LIPK: variants seen among roughly 807,000 people sequenced by gnomAD.
LIPK encodes lipase family member K, also known as lipase member K.
Under a neutral mutation model 48.6 loss-of-function variants are expected in LIPK, and 32 were observed. The observed-to-expected ratio is 0.66, with a 90% confidence interval of 0.50 to 0.88. The LOEUF is 0.88. Ranked by LOEUF, LIPK falls within the 40% of genes least tolerant of loss-of-function variation. The probability of loss-of-function intolerance (pLI) is 0.00; values close to 1 mark genes in which losing one functional copy is unlikely to be tolerated. For missense variants in LIPK, 507 were observed against 478.5 expected (o/e 1.06, Z -0.56); for synonymous variants, 164 against 157.4 (o/e 1.04, Z -0.32).
chr10:88,716,356 C>CTTTTTTTTTTTTTTTTTTTTTTTTTTTTT (rs11374780), intron 1 of LIPK, among the ~76,000 whole-genome samples: 4 of 120,338 alleles, frequency 3.3e-5, no homozygotes, highest in African/African-American at 9.4e-5. Flanking sequence ...AGGAAAATTT[C>CTTTTTTTTTTTTTTTTTTTTTTTTTTTTT]TTTTTTTTTT....
chr10:88,742,529 TG>T (rs1475726634), intron 8 of LIPK, among the ~76,000 whole-genome samples: 1 of 152,236 alleles, frequency 6.6e-6, no homozygotes, highest in African/African-American at 2.4e-5. Flanking sequence ...CAATCCTATA[TG>T]GGTGGCAAAT....
At chr10:88,749,473 T>C (rs1033642268) in intron 9 of LIPK, among the ~76,000 whole-genome samples, 8 of 152,160 alleles carry the variant, frequency 5.3e-5, no homozygotes. Context: ...CCTGCAATCA[T>C]TTGATCTTCG....
At chr10:88,716,356 C>CTT (rs11374780) in intron 1 of LIPK, among the ~76,000 whole-genome samples, 78,328 of 120,068 alleles carry the variant, frequency 0.65, 26,367 homozygotes, top group East Asian at 0.91. Flanking sequence ...AGGAAAATTT[C>CTT]TTTTTTTTTT....
intron 2 of LIPK, 46 bp downstream of exon 2, chr10:88,724,694 A>G (rs1273607865): frequency 3.0e-6 from 4 of 1,342,362 alleles, no homozygotes; most frequent in Admixed American, 2.5e-5. Flanking sequence ...GGAATTATTC[A>G]TATTTCAGCA....
chr10:88,741,455 G>C (rs1842678764), intron 8 of LIPK, among the ~76,000 whole-genome samples: 1 of 152,130 alleles, frequency 6.6e-6, no homozygotes, highest in South Asian at 2.1e-4. Context: ...TGGACTGCTG[G>C]ACTCAAGCAA....
At chr10:88,750,381 T>C (rs1348345823) in intron 9 of LIPK, among the ~76,000 whole-genome samples, 2 of 152,156 alleles carry the variant, frequency 1.3e-5, no homozygotes, top group African/African-American at 2.4e-5. Context: ...CTATTCACAA[T>C]AGCAAAGACA....
In LIPK at chr10:88,752,509, G is replaced by A. The variant is rs142362551; in HGVS notation, c.961-8G>A. 1,839 of 1,531,154 alleles carry A rather than the reference G, an allele frequency of 1.2e-3. 18 individuals carry two copies. The African/African-American group carries it at 0.022, about 19-fold the overall frequency. 94.8% of individuals were successfully genotyped at this position (1,531,154 alleles called of 1,614,324 possible). A position where few individuals can be genotyped will look rare whatever the true frequency, so the allele number is the denominator to read the frequency against. On this transcript the variant is annotated splice_region_variant and splice_polypyrimidine_tract_variant and intron_variant, in intron 9 of 9. Transcript: ENST00000404190. ...AAAACTTTTCTCTCTCTCTTTTATT[G>A]TATTTAGCTTACACCTCCTTTATAC...
chr10:88,727,267 C>A (rs1842362515), intron 3 of LIPK, among the ~76,000 whole-genome samples: 2 of 152,222 alleles, frequency 1.3e-5, no homozygotes, highest in African/African-American at 4.8e-5. Flanking sequence ...TGCAACCTAT[C>A]ATCGCCATCT....
chr10:88,734,057 C>T (rs1201191580), intron 6 of LIPK, among the ~76,000 whole-genome samples: 1 of 152,144 alleles, frequency 6.6e-6, no homozygotes, highest in African/African-American at 2.4e-5. Context: ...AAATCTATAA[C>T]TTTAGAATGA....
chr10:88,747,828 C>T (rs908863710), intron 9 of LIPK, among the ~76,000 whole-genome samples: 1 of 152,128 alleles, frequency 6.6e-6, no homozygotes, highest in Non-Finnish European at 1.5e-5. Context: ...ATTAATTCAA[C>T]CATTGTGGAA....
At chr10:88,732,640 A>G in intron 6 of LIPK, 89 bp downstream of exon 6, 2 of 1,330,704 alleles carry the variant, frequency 1.5e-6, no homozygotes, top group South Asian at 1.4e-5. Flanking sequence ...CATTTTACAA[A>G]CTTCTGAGAA....
intron 7 of LIPK, among the ~76,000 whole-genome samples, chr10:88,738,489 C>A (rs1029281551): frequency 6.6e-6 from 1 of 152,170 alleles, no homozygotes. Flanking sequence ...TGCTTTCAGG[C>A]AAGATTTATA....
intron 1 of LIPK, among the ~76,000 whole-genome samples, 84 bp downstream of exon 1, chr10:88,706,404 C>A (rs1413431219): frequency 6.6e-6 from 1 of 152,136 alleles, no homozygotes; most frequent in African/African-American, 2.4e-5. Context: ...CAGAACTTTA[C>A]ATGTTGATGA....
At chr10:88,715,396 C>G (rs1842097212) in intron 1 of LIPK, among the ~76,000 whole-genome samples, 1 of 152,064 alleles carries the variant, frequency 6.6e-6, no homozygotes, top group African/African-American at 2.4e-5. Context: ...TATGAAATAT[C>G]TCACTTTGAC....
intron 4 of LIPK, 107 bp downstream of exon 4, chr10:88,731,288 C>A: frequency 1.1e-6 from 1 of 924,478 alleles, no homozygotes; most frequent in Non-Finnish European, 1.5e-6. Flanking sequence ...CCAATGGAAT[C>A]CACAAGAAGG....
intron 1 of LIPK, among the ~76,000 whole-genome samples, chr10:88,720,907 A>G (rs1416369849): frequency 6.6e-6 from 1 of 151,760 alleles, no homozygotes; most frequent in East Asian, 1.9e-4. Flanking sequence ...TCTATTATAG[A>G]TTATATCTAT....
intron 2 of LIPK, among the ~76,000 whole-genome samples, chr10:88,725,910 G>T (rs1653842): frequency 0.78 from 118,225 of 152,158 alleles, 46,927 homozygotes; most frequent in East Asian, 1. Flanking sequence ...TTGGTTTTCA[G>T]TTCAATTCAG....
Position 88,732,408 on chromosome 10 carries a change from A to G in LIPK, c.533-7A>G. Reference sequence around the variant, plus strand: ...AAACTATGAACTACTGTCTTCTTCCATTTCAGCTTTTATAGCATTTTCTAC... The same window carrying G: ...AAACTATGAACTACTGTCTTCTTCCGTTTCAGCTTTTATAGCATTTTCTAC... On this transcript the variant is annotated splice_region_variant and splice_polypyrimidine_tract_variant and intron_variant, in intron 5 of 9. Transcript: ENST00000404190. 6.2e-7 allele frequency: 1 copy of G among 1,605,478 alleles called. No individual in the cohort carries two copies. The highest frequency in any genetic ancestry group is 1.1e-5 in the South Asian group (1 of 88,712).
intron 9 of LIPK, 57 bp downstream of exon 9, chr10:88,743,378 T>C (rs1259797933): frequency 7.9e-7 from 1 of 1,264,472 alleles, no homozygotes; most frequent in Non-Finnish European, 1.1e-6. Flanking sequence ...ACAAAAATAG[T>C]GTCTACTCAT....
Sources: gnomAD v4.1 joint callset for allele counts (sites outside exome capture counted in the v4.1 genomes callset) on GRCh38, gnomAD v4.1.1 for gene constraint, MANE v1.5 for transcripts, NCBI Gene and HGNC (gene_info 2026-07-23, HGNC 2026-07-21) for gene names.